The following MBTD1 variants were observed in gnomAD, a reference collection of about 807,000 sequenced individuals.
MBTD1 encodes MBT domain-containing protein 1.
Under a neutral mutation model 87.8 loss-of-function variants are expected in MBTD1, and 24 were observed. That is an observed-to-expected ratio of 0.27 (90% CI 0.20 to 0.38). The LOEUF is 0.38. MBTD1 is among the 10% of genes least tolerant of loss of function. MBTD1 has a pLI of 1.00. For synonymous variants in MBTD1, 237 were observed against 248.6 expected (o/e 0.95, Z 0.44); for missense variants, 436 against 760.2 (o/e 0.57, Z 5.02).
At chr17:51,224,025 A>T (rs559381596) in intron 3 of MBTD1, among the ~76,000 whole-genome samples, 27 of 152,336 alleles carry the variant, frequency 1.8e-4, no homozygotes, top group African/African-American at 6.0e-4. Context: ...AGAAAGCTAA[A>T]GCAATTTTGG....
At chr17:51,220,694 G>A (rs1022267447) in intron 3 of MBTD1, among the ~76,000 whole-genome samples, 2 of 152,186 alleles carry the variant, frequency 1.3e-5, no homozygotes, top group Non-Finnish European at 1.5e-5. Flanking sequence ...GTGGCTTGAG[G>A]TCTGAAAGGT....
At chr17:51,217,257 T>A in intron 6 of MBTD1, 77 bp downstream of exon 6, 2 of 744,898 alleles carry the variant, frequency 2.7e-6, no homozygotes, top group Non-Finnish European at 2.2e-6. Context: ...AAGGATAAGA[T>A]GCTTAGGTGT....
chr17:51,203,007 TA>T, intron 9 of MBTD1, 72 bp from the exon 10 acceptor site: 1 of 1,326,242 alleles, frequency 7.5e-7, no homozygotes, highest in Non-Finnish European at 1.1e-6. Context: ...TATTATACTG[TA>T]AAAAATACTG....
At chr17:51,244,897 G>T (rs2054343218) in intron 2 of MBTD1, among the ~76,000 whole-genome samples, 1 of 151,926 alleles carries the variant, frequency 6.6e-6, no homozygotes, top group South Asian at 2.1e-4. Flanking sequence ...ACTTAATGCA[G>T]TTCTACAGAG....
intron 2 of MBTD1, among the ~76,000 whole-genome samples, chr17:51,242,933 T>G (rs888039273): frequency 1.1e-4 from 17 of 152,210 alleles, no homozygotes; most frequent in Non-Finnish European, 2.9e-5. Flanking sequence ...TTATTCTTCT[T>G]GCAGCTGCAT....
Position 51,178,313 on chromosome 17 carries a change from C to T in MBTD1, c.*2263G>A, listed in dbSNP as rs1397852560. The T allele has an allele frequency of 2.6e-5, 4 of 152,154 alleles. No individual in the cohort carries two copies. The highest frequency in any genetic ancestry group is 6.6e-5 in the Admixed American group (1 of 15,266). 9.4% of individuals were successfully genotyped at this position (152,154 alleles called of 1,614,324 possible). On this transcript the variant is annotated 3_prime_UTR_variant, in exon 17 of 17. Coordinates refer to ENST00000586178, the MANE Select transcript of MBTD1 (RefSeq NM_017643.3). ...AGACTGTAGAAAAGTCCTTACCAAC[C>T]TTCAACTGTTGGTCACGGGATCAAG...
intron 4 of MBTD1, 81 bp downstream of exon 4, chr17:51,220,249 G>T: frequency 7.4e-7 from 1 of 1,346,132 alleles, no homozygotes; most frequent in Non-Finnish European, 1.0e-6. Flanking sequence ...GTGGAGTACA[G>T]TGAATCACAG....
At chr17:51,202,589 AAAC>A (rs968622319) in intron 10 of MBTD1, 109 bp downstream of exon 10, 39 of 812,738 alleles carry the variant, frequency 4.8e-5, no homozygotes, top group African/African-American at 4.8e-4. Context: ...GAAGCAGCCC[AAAC>A]AACTAGAATG....
Position 51,206,872 on chromosome 17 carries a change from T to C in MBTD1, c.604+16A>G, listed in dbSNP as rs747641300. 2 of 1,489,602 alleles carry C rather than the reference T, an allele frequency of 1.3e-6. No individual in the cohort carries two copies. The highest frequency in any genetic ancestry group is 2.3e-5 in the South Asian group (2 of 88,332). 92.3% of individuals were successfully genotyped at this position (1,489,602 alleles called of 1,614,324 possible). On this transcript the variant is annotated intron_variant, in intron 7 of 16. Transcript: ENST00000586178. ...ATCTCTGCATTTTCTACTAAACTAT[T>C]ATTCATGCTTTTCACCTGCTAATTT... is the stretch of plus-strand genomic sequence containing the variant.
At chr17:51,182,568 G>A (rs540462023) in intron 16 of MBTD1, among the ~76,000 whole-genome samples, 1 of 152,268 alleles carries the variant, frequency 6.6e-6, no homozygotes, top group Non-Finnish European at 1.5e-5. Flanking sequence ...GAACTGACTG[G>A]CTACTTACTA....
At chr17:51,189,047 C>T (rs2050681084) in intron 16 of MBTD1, among the ~76,000 whole-genome samples, 2 of 152,022 alleles carry the variant, frequency 1.3e-5, no homozygotes, top group East Asian at 1.9e-4. Flanking sequence ...CGTGAGCCAC[C>T]GTGCCTGGCC....
intron 2 of MBTD1, among the ~76,000 whole-genome samples, chr17:51,234,466 C>G (rs548602775): frequency 6.8e-6 from 1 of 147,158 alleles, no homozygotes; most frequent in South Asian, 2.1e-4. Flanking sequence ...ATTAAAAAGA[C>G]TATATTATCA....
intron 16 of MBTD1, among the ~76,000 whole-genome samples, chr17:51,181,267 C>T (rs1015298401): frequency 1.3e-5 from 2 of 152,108 alleles, no homozygotes; most frequent in Non-Finnish European, 2.9e-5. Flanking sequence ...CCTTGTGATC[C>T]GCCCACCTCA....
intron 2 of MBTD1, among the ~76,000 whole-genome samples, chr17:51,246,704 C>T (rs1286783106): frequency 1.3e-5 from 2 of 152,100 alleles, no homozygotes; most frequent in East Asian, 3.8e-4. Context: ...GGTGCAATCT[C>T]GGCTCACTGC....
chr17:51,179,508 A>ATATATATATATATATATTTATATT lies in MBTD1; in HGVS notation c.*1067_*1068insAATATAAATATATATATATATATA, dbSNP rs2050220394. Reference sequence around the variant, plus strand: ...TTTATATATATATATATATATATATATATATATATATATATATATATATAT... The same window carrying ATATATATATATATATATTTATATT: ...TTTATATATATATATATATATATATATATATATATATATATATTTATATTTATATATATATATATATATATATAT... On this transcript the variant is annotated 3_prime_UTR_variant, in exon 17 of 17. Transcript: ENST00000586178. The ATATATATATATATATATTTATATT allele has an allele frequency of 2.4e-5, 2 of 83,814 alleles. No homozygotes were observed. The highest frequency in any genetic ancestry group is 8.9e-5 in the African/African-American group (2 of 22,486). 5.2% of individuals were successfully genotyped at this position (83,814 alleles called of 1,614,324 possible).
intron 2 of MBTD1, among the ~76,000 whole-genome samples, chr17:51,252,621 C>T (rs1370397402): frequency 1.3e-5 from 2 of 151,924 alleles, no homozygotes; most frequent in African/African-American, 4.8e-5. Context: ...TGTAGTCCAG[C>T]TACCAGGGAG....
At chr17:51,194,380 G>A (rs556875989) in intron 13 of MBTD1, among the ~76,000 whole-genome samples, 25 of 151,954 alleles carry the variant, frequency 1.6e-4, no homozygotes, top group Admixed American at 3.3e-4. Flanking sequence ...GATGAGCCTG[G>A]CCTACATGGC....
intron 7 of MBTD1, among the ~76,000 whole-genome samples, chr17:51,204,397 T>C (rs928886597): frequency 1.5e-5 from 2 of 137,264 alleles, no homozygotes; most frequent in Admixed American, 7.2e-5. Flanking sequence ...GCTGGGATTA[T>C]AGGCATATAT....
chr17:51,189,597 A>C (rs914784558), intron 16 of MBTD1, among the ~76,000 whole-genome samples: 3 of 152,246 alleles, frequency 2.0e-5, no homozygotes, highest in African/African-American at 7.2e-5. Flanking sequence ...GAGGGAGGCA[A>C]ATGAATTGTC....
Sources: allele counts gnomAD v4.1 joint callset (sites outside exome capture counted in the v4.1 genomes callset), GRCh38; gene constraint gnomAD v4.1.1; transcripts MANE v1.5; gene names NCBI Gene and HGNC (gene_info 2026-07-23, HGNC 2026-07-21).